HGD: variants seen among roughly 807,000 people sequenced by gnomAD.
HGD encodes homogentisate oxidase.
In HGD, 61 loss-of-function variants were observed where a neutral mutation model predicts 60.8. The observed-to-expected ratio is 1.00, with a 90% CI of 0.82 to 1.24. The LOEUF (loss-of-function observed/expected upper bound fraction) is 1.24. Among genes scored for constraint, HGD ranks in the 50% most tolerant of loss-of-function variants. The probability of loss-of-function intolerance (pLI) is 0.00; values close to 1 mark genes in which losing one functional copy is unlikely to be tolerated. For synonymous variants in HGD, 212 were observed against 187.7 expected, an observed-to-expected ratio of 1.13 and a Z score of -1.06; for missense variants, 542 against 547.1, an observed-to-expected ratio of 0.99 and a Z score of 0.09.
At position 120,641,654 on chromosome 3, in the gene HGD, A is replaced by C; in HGVS notation, c.814T>G (p.Tyr272Asp). 2 of 1,614,040 alleles carry C rather than the reference A, an allele frequency of 1.2e-6. No homozygotes were observed. Among genetic ancestry groups the C allele is most frequent in the Non-Finnish European group, 1.7e-6 (2 of 1,179,906 alleles). The part of the protein sequence containing the change: ...PFNVVAWHGN[Y>D]TPYKYNLKNF... ...TTCAGGTTGTACTTGTAGGGTGTAT[A>C]ATTCCCGTGCCAGGCCACAACATTG... The change falls in exon 11 of 14, where the codon TAT (tyrosine) becomes GAT (aspartate). Residue 272 changes from tyrosine (Y) to aspartate (D), a missense_variant. Coordinates refer to ENST00000283871, the MANE Select transcript of HGD (RefSeq NM_000187.4).
chr3:120,641,057 T>G lies in HGD; in HGVS notation c.879+532A>C, dbSNP rs550583185. Among the ~76,000 whole-genome samples the G allele has an allele frequency of 4.6e-5, 7 of 152,260 alleles. No homozygotes were observed. The South Asian group carries it at 1.5e-3, about 32-fold the overall frequency. ...AACTGAGTGAAAAATATGACCAAGT[T>G]CATGCTCTAGAATTTCTTTGGTTTA... is the stretch of plus-strand genomic sequence containing the variant. On this transcript the variant is annotated intron_variant, in intron 11 of 13. Coordinates refer to ENST00000283871, the MANE Select transcript of HGD (RefSeq NM_000187.4).
intron 4 of HGD, among the ~76,000 whole-genome samples, chr3:120,660,180 C>T (rs1941620814): frequency 6.6e-6 from 1 of 152,180 alleles, no homozygotes; most frequent in African/African-American, 2.4e-5. Flanking sequence ...CACTATGCTT[C>T]CTGTACACCC....
chr3:120,644,733 G>A (rs1035614386), intron 9 of HGD: 30 of 790,068 alleles, frequency 3.8e-5, no homozygotes, highest in African/African-American at 7.1e-5. Flanking sequence ...GAGGGGAAGG[G>A]AAGAGAGAAA....
At chr3:120,668,506 G>A (rs1707950697) in intron 4 of HGD, among the ~76,000 whole-genome samples, 1 of 152,006 alleles carries the variant, frequency 6.6e-6, no homozygotes, top group Non-Finnish European at 1.5e-5. Context: ...TTGGGTTGTG[G>A]AAAGTGGCGG....
intron 11 of HGD, among the ~76,000 whole-genome samples, chr3:120,639,386 T>G (rs2107499496): frequency 6.6e-6 from 1 of 152,340 alleles, no homozygotes; most frequent in South Asian, 2.1e-4. Flanking sequence ...ACAGCCTAAT[T>G]TCTGATCAAA....
At chr3:120,663,383 C>A (rs1033243753) in intron 4 of HGD, among the ~76,000 whole-genome samples, 2 of 152,040 alleles carry the variant, frequency 1.3e-5, no homozygotes, top group African/African-American at 4.8e-5. Flanking sequence ...ACTTACAGTT[C>A]CACGTGGCTA....
intron 12 of HGD, among the ~76,000 whole-genome samples, chr3:120,635,020 TCCTCAGGGTCA>T (rs1284365277): frequency 6.6e-6 from 1 of 152,252 alleles, no homozygotes; most frequent in Non-Finnish European, 1.5e-5. Context: ...CTAGTATGTG[TCCTCAGGGTCA>T]CCTTCATGGC....
Position 120,641,640 on chromosome 3 carries a change from C to T in HGD, c.828G>A (p.Lys276=), listed in dbSNP as rs1160502581. Residue 276 remains lysine, a synonymous_variant, in exon 11 of 14, where the codon AAG becomes AAA. Transcript: ENST00000283871. ...VAWHGNYTPY[K]YNLKNFMVIN... ...TAACCATGAAATTCTTCAGGTTGTA[C>T]TTGTAGGGTGTATAATTCCCGTGCC... 6.2e-7 allele frequency: 1 copy of T among 1,614,046 alleles called. No individual in the cohort carries two copies. The highest frequency in any genetic ancestry group is 1.7e-5 in the Admixed American group (1 of 60,024).
At chr3:120,629,739 ACCACT>A (rs1940525516) in intron 13 of HGD, among the ~76,000 whole-genome samples, 1 of 152,204 alleles carries the variant, frequency 6.6e-6, no homozygotes. Flanking sequence ...GCTCTCTCTC[ACCACT>A]CCTATTCAAC....
chr3:120,659,999 C>A (rs1941614906), intron 4 of HGD, among the ~76,000 whole-genome samples: 1 of 151,976 alleles, frequency 6.6e-6, no homozygotes, highest in Admixed American at 6.6e-5. Flanking sequence ...GCACTACCCT[C>A]TTGGTGCTGT....
At chr3:120,675,495 A>G (rs1484720298) in intron 2 of HGD, among the ~76,000 whole-genome samples, 1 of 152,168 alleles carries the variant, frequency 6.6e-6, no homozygotes, top group Admixed American at 6.6e-5. Flanking sequence ...TAATGCTCAC[A>G]TCCATGGTGT....
intron 4 of HGD, among the ~76,000 whole-genome samples, chr3:120,659,487 T>C (rs1941595306): frequency 6.6e-6 from 1 of 152,220 alleles, no homozygotes; most frequent in African/African-American, 2.4e-5. Flanking sequence ...TTTGATCTAG[T>C]TCCCAGTAAG....
At chr3:120,678,228 A>G (rs551029645) in intron 1 of HGD, among the ~76,000 whole-genome samples, 5 of 152,156 alleles carry the variant, frequency 3.3e-5, no homozygotes, top group Non-Finnish European at 5.9e-5. Flanking sequence ...CCAATTTTCT[A>G]CTCTCAAAAT....
intron 1 of HGD, among the ~76,000 whole-genome samples, chr3:120,681,182 A>T (rs1463726850): frequency 6.6e-6 from 1 of 152,214 alleles, no homozygotes; most frequent in East Asian, 1.9e-4. Context: ...GCATTAGGGC[A>T]CTTCTCAAAC....
At chr3:120,648,447 T>C (rs1941232935) in intron 6 of HGD, among the ~76,000 whole-genome samples, 1 of 152,218 alleles carries the variant, frequency 6.6e-6, no homozygotes, top group Non-Finnish European at 1.5e-5. Context: ...AGGGCTGTGA[T>C]CTTGTCCCTG....
chr3:120,649,737 C>T (rs1336478310), intron 6 of HGD, among the ~76,000 whole-genome samples: 3 of 152,124 alleles, frequency 2.0e-5, no homozygotes, highest in Admixed American at 6.6e-5. Flanking sequence ...TGTGCAGTGG[C>T]GCTACAGGGA....
At chr3:120,659,165 C>T (rs1387664339) in intron 4 of HGD, among the ~76,000 whole-genome samples, 3 of 152,226 alleles carry the variant, frequency 2.0e-5, no homozygotes, top group Non-Finnish European at 4.4e-5. Flanking sequence ...TTCTTTTCTA[C>T]CACATGGCCA....
At chr3:120,638,801 G>A (rs772392178) in intron 11 of HGD, among the ~76,000 whole-genome samples, 61 of 152,206 alleles carry the variant, frequency 4.0e-4, no homozygotes, top group Non-Finnish European at 5.3e-4. Context: ...GATATGGTTT[G>A]GTTGTGTCCC....
intron 13 of HGD, among the ~76,000 whole-genome samples, chr3:120,630,825 T>TATATATATATATATATATACACACACAC (rs1491569082): frequency 9.6e-6 from 1 of 104,120 alleles, no homozygotes; most frequent in African/African-American, 4.6e-5. Context: ...TATATATATA[T>TATATATATATATATATATACACACACAC]ACACATACAC....
Sources: gnomAD v4.1 joint callset for allele counts (sites outside exome capture counted in the v4.1 genomes callset) on GRCh38, gnomAD v4.1.1 for gene constraint, MANE v1.5 for transcripts, NCBI Gene and HGNC (gene_info 2026-07-23, HGNC 2026-07-21) for gene names.